GRID2: variants seen among roughly 807,000 people sequenced by gnomAD.
The protein encoded by GRID2 is glutamate ionotropic receptor delta type subunit 2, also known as glutamate receptor ionotropic, delta-2.
GRID2 carries 33 observed loss-of-function variants against 114.8 expected under a neutral mutation model. The ratio of observed to expected loss-of-function variants is 0.29; its 90% CI spans 0.22 to 0.38. The LOEUF is 0.38. Among genes scored for constraint, GRID2 ranks in the 10% least tolerant of loss-of-function variants. GRID2 has a pLI of 1.00. For synonymous variants in GRID2, 505 were observed against 449.9 expected (o/e 1.12, Z -1.55); for missense variants, 1,184 against 1,257.7 (o/e 0.94, Z 0.89).
intron 8 of GRID2, among the ~76,000 whole-genome samples, chr4:93,246,441 G>T (rs1000306500): frequency 9.9e-5 from 15 of 151,848 alleles, no homozygotes; most frequent in Admixed American, 8.5e-4. Flanking sequence ...CAAAAAATTA[G>T]CTGGGTGTGG....
At chr4:93,534,232 T>C (rs1189834114) in intron 13 of GRID2, among the ~76,000 whole-genome samples, 1 of 152,198 alleles carries the variant, frequency 6.6e-6, no homozygotes, top group Non-Finnish European at 1.5e-5. Flanking sequence ...TCTGTTTCCA[T>C]AGCATATGTC....
intron 2 of GRID2, among the ~76,000 whole-genome samples, chr4:92,698,088 C>A (rs946209057): frequency 6.6e-6 from 1 of 152,056 alleles, no homozygotes; most frequent in African/African-American, 2.4e-5. Flanking sequence ...GAAGTTGGAG[C>A]TATTGTGCAC....
chr4:93,715,305 C>A (rs1156916123), intron 14 of GRID2, among the ~76,000 whole-genome samples: 1 of 152,112 alleles, frequency 6.6e-6, no homozygotes, highest in Admixed American at 6.6e-5. Flanking sequence ...TTTTCTTGTA[C>A]CAGTACCATG....
In GRID2 at chr4:93,517,942, TAC is replaced by T. The variant is rs1491062514; in HGVS notation, c.2193+2533_2193+2534del. ...TGTATATACTATATATGTATGTATA[TAC>T]ATACATGTATATGTATGTATATACA... On this transcript the variant is annotated intron_variant, in intron 13 of 15. Coordinates refer to ENST00000282020, the MANE Select transcript of GRID2 (RefSeq NM_001510.4). 3.4e-3 allele frequency among the ~76,000 whole-genome samples: 130 copies of T among 38,564 alleles called. 1 individual carries two copies. Among genetic ancestry groups the T allele is most frequent in the Admixed American group, 5.4e-3 (23 of 4,278 alleles). The allele number at this position is 38,564 out of a possible 152,430, so 25.3% of individuals were successfully genotyped here.
intron 2 of GRID2, among the ~76,000 whole-genome samples, chr4:92,617,974 A>G (rs1316811700): frequency 6.6e-6 from 1 of 151,542 alleles, no homozygotes; most frequent in African/African-American, 2.4e-5. Flanking sequence ...TTGTCTTTTT[A>G]TGCTGTTAAT....
intron 1 of GRID2, among the ~76,000 whole-genome samples, chr4:92,361,056 T>G (rs1474959117): frequency 6.6e-6 from 1 of 152,028 alleles, no homozygotes; most frequent in East Asian, 1.9e-4. Flanking sequence ...TTGTTTACTC[T>G]GTACCAAGGA....
rs368486885 is a variant in GRID2 at position 92,597,696 on chromosome 4, T to G, written c.244+7410T>G. Reference sequence around the variant, plus strand: ...TTGTATTCTTCTATGTCTGTATGTATGGTGCATGGATATGGTAACATAATT... The same window carrying G: ...TTGTATTCTTCTATGTCTGTATGTAGGGTGCATGGATATGGTAACATAATT... On this transcript the variant is annotated intron_variant, in intron 2 of 15. Transcript: ENST00000282020. Among the ~76,000 whole-genome samples, 7 of 152,266 alleles carry G rather than the reference T, an allele frequency of 4.6e-5. No individual in the cohort carries two copies. In the South Asian group the frequency reaches 1.2e-3, roughly 27 times the overall value.
intron 2 of GRID2, among the ~76,000 whole-genome samples, chr4:92,686,529 C>A (rs1039829600): frequency 1.2e-4 from 18 of 151,928 alleles, no homozygotes; most frequent in Non-Finnish European, 1.6e-4. Context: ...AAGTTGAATT[C>A]TTGGATTCTG....
chr4:93,466,997 A>G (rs981073818), intron 11 of GRID2, among the ~76,000 whole-genome samples: 4 of 152,216 alleles, frequency 2.6e-5, no homozygotes, highest in Admixed American at 6.6e-5. Flanking sequence ...ACAATTTAAC[A>G]TGTAAGAAAG....
intron 14 of GRID2, among the ~76,000 whole-genome samples, chr4:93,687,066 G>A (rs529486675): frequency 3.9e-5 from 6 of 152,124 alleles, no homozygotes; most frequent in Non-Finnish European, 8.8e-5. Flanking sequence ...TCTTGGACAT[G>A]AGTGTTACCA....
rs146109709 is a variant in GRID2 at position 93,069,441 on chromosome 4, A to C, written c.245-15554A>C. Among the ~76,000 whole-genome samples the C allele has an allele frequency of 2.7e-4, 41 of 152,106 alleles. No homozygotes were observed. The East Asian group carries it at 7.6e-3, about 28-fold the overall frequency. ...GACATTATTTAAAAGGCATATTATA[A>C]ATAGATTTCATCATACTGCTATCAC... On this transcript the variant is annotated intron_variant, in intron 2 of 15. Transcript: ENST00000282020.
chr4:93,314,405 C>T (rs1009116521), intron 8 of GRID2, among the ~76,000 whole-genome samples: 5 of 151,744 alleles, frequency 3.3e-5, no homozygotes, highest in African/African-American at 9.7e-5. Context: ...CTCTCTGCTC[C>T]CTTTCACAAT....
intron 8 of GRID2, among the ~76,000 whole-genome samples, chr4:93,337,896 ACACCCTTTGCCTTCCCTAGTCCCTGCTC>A (rs1364776533): frequency 2.6e-5 from 4 of 152,146 alleles, no homozygotes. Context: ...GGCTTGAAAT[ACACCCTTTGCCTTCCCTAGTCCCTGCTC>A]CACCCTTTGC....
At chr4:93,246,825 A>C (rs1051611618) in intron 8 of GRID2, among the ~76,000 whole-genome samples, 1 of 152,192 alleles carries the variant, frequency 6.6e-6, no homozygotes, top group African/African-American at 2.4e-5. Flanking sequence ...GACTCTCAAA[A>C]TCATTGATCC....
chr4:93,375,137 C>T (rs1327283251), intron 8 of GRID2, among the ~76,000 whole-genome samples: 1 of 152,008 alleles, frequency 6.6e-6, no homozygotes, highest in Non-Finnish European at 1.5e-5. Flanking sequence ...TTGCCTCTAC[C>T]CAGACTGCAG....
chr4:93,805,611 G>C (rs1331774374), intron 1 of GRID2, among the ~76,000 whole-genome samples: 1 of 152,158 alleles, frequency 6.6e-6, no homozygotes, highest in Non-Finnish European at 1.5e-5. Flanking sequence ...CTAGGTACAA[G>C]CTCTCCTAAC....
At chr4:93,343,098 G>A in intron 8 of GRID2, among the ~76,000 whole-genome samples, 1 of 151,646 alleles carries the variant, frequency 6.6e-6, no homozygotes, top group East Asian at 1.9e-4. Flanking sequence ...GTGAGTTCTT[G>A]CCTTTCCGAT....
intron 1 of GRID2, among the ~76,000 whole-genome samples, chr4:92,396,655 G>A (rs867156611): frequency 2.0e-5 from 3 of 151,958 alleles, no homozygotes; most frequent in Admixed American, 2.0e-4. Context: ...ATGCCAACAG[G>A]TGTATAAATC....
intron 11 of GRID2, among the ~76,000 whole-genome samples, chr4:93,467,885 T>A (rs773853998): frequency 7.9e-5 from 12 of 152,220 alleles, no homozygotes; most frequent in Non-Finnish European, 1.5e-4. Flanking sequence ...TTTAATGCTA[T>A]CTTAAACAAA....
Sources: allele counts gnomAD v4.1 joint callset (sites outside exome capture counted in the v4.1 genomes callset), GRCh38; gene constraint gnomAD v4.1.1; transcripts MANE v1.5; gene names NCBI Gene and HGNC (gene_info 2026-07-23, HGNC 2026-07-21).